CTNNA3: variants seen among roughly 807,000 people sequenced by gnomAD.
The protein encoded by CTNNA3 is catenin alpha-3.
CTNNA3 carries 76 observed loss-of-function variants against 95.7 expected under a neutral mutation model. The ratio of observed to expected loss-of-function variants is 0.79; its 90% CI spans 0.66 to 0.96. The LOEUF (loss-of-function observed/expected upper bound fraction) is 0.96. CTNNA3 is among the 40% of genes least tolerant of loss of function. CTNNA3 has a pLI of 0.00. For synonymous variants in CTNNA3, 431 were observed against 374.4 expected, an observed-to-expected ratio of 1.15 and a Z score of -1.74; for missense variants, 1,191 against 1,089.8, an observed-to-expected ratio of 1.09 and a Z score of -1.31.
intron 5 of CTNNA3, among the ~76,000 whole-genome samples, chr10:67,300,303 C>T (rs981541455): frequency 6.6e-6 from 1 of 152,196 alleles, no homozygotes; most frequent in Non-Finnish European, 1.5e-5. Context: ...CAGCTGGTCT[C>T]CATCACTGTC....
At chr10:67,649,125 C>A (rs937082272) in intron 1 of CTNNA3, among the ~76,000 whole-genome samples, 1 of 152,176 alleles carries the variant, frequency 6.6e-6, no homozygotes, top group Non-Finnish European at 1.5e-5. Flanking sequence ...TACTCCTCTA[C>A]GACAGGTACT....
chr10:66,724,408 G>T (rs1464087205), intron 9 of CTNNA3, among the ~76,000 whole-genome samples: 2 of 152,100 alleles, frequency 1.3e-5, no homozygotes, highest in Non-Finnish European at 2.9e-5. Flanking sequence ...CAGGGAATAC[G>T]CCATTAATCT....
chr10:66,795,304 G>C (rs1006095991), intron 7 of CTNNA3, among the ~76,000 whole-genome samples: 1 of 152,076 alleles, frequency 6.6e-6, no homozygotes, highest in Non-Finnish European at 1.5e-5. Flanking sequence ...TTACAGAATG[G>C]ATGTTGTGTT....
At chr10:66,410,827 T>C (rs1321927698) in intron 11 of CTNNA3, among the ~76,000 whole-genome samples, 1 of 152,176 alleles carries the variant, frequency 6.6e-6, no homozygotes, top group Non-Finnish European at 1.5e-5. Flanking sequence ...TCTAAGGCTC[T>C]TTCTCATCCT....
intron 7 of CTNNA3, among the ~76,000 whole-genome samples, chr10:66,915,632 G>T (rs1021560125): frequency 2.2e-4 from 33 of 151,444 alleles, no homozygotes; most frequent in Non-Finnish European, 3.8e-4. Flanking sequence ...GCCAAGAAAT[G>T]GAGTGCTGCA....
At chr10:67,476,467 C>A (rs1460599667) in intron 5 of CTNNA3, among the ~76,000 whole-genome samples, 1 of 151,892 alleles carries the variant, frequency 6.6e-6, no homozygotes, top group African/African-American at 2.4e-5. Flanking sequence ...GCAGTCGGAG[C>A]ACCCACTCCT....
chr10:66,174,625 TG>T (rs1295352006), intron 13 of CTNNA3, among the ~76,000 whole-genome samples: 2 of 152,044 alleles, frequency 1.3e-5, no homozygotes, highest in Non-Finnish European at 2.9e-5. Flanking sequence ...ATAGAGTATT[TG>T]CAGGATGTGA....
intron 7 of CTNNA3, among the ~76,000 whole-genome samples, chr10:66,901,031 C>A (rs1399319576): frequency 6.6e-6 from 1 of 152,048 alleles, no homozygotes; most frequent in East Asian, 1.9e-4. Flanking sequence ...CAGAGAACAC[C>A]ACAAAGATAC....
At position 65,972,740 on chromosome 10, in the gene CTNNA3, G is replaced by A. The variant is rs576922596; in HGVS notation, c.2266-5994C>T. On this transcript the variant is annotated intron_variant, in intron 16 of 17. Transcript: ENST00000433211. ...ATCATTTCAATTTCATCAACTGGAA[G>A]AATGAATATCGTTAAAATGGCCATG... is the stretch of plus-strand genomic sequence containing the variant. Among the ~76,000 whole-genome samples, 13 of 152,142 alleles carry A rather than the reference G, an allele frequency of 8.5e-5. No homozygotes were observed. The East Asian group carries it at 2.3e-3, about 27-fold the overall frequency.
intron 7 of CTNNA3, among the ~76,000 whole-genome samples, chr10:66,871,800 T>C (rs530920323): frequency 5.3e-5 from 8 of 152,180 alleles, no homozygotes; most frequent in African/African-American, 1.2e-4. Context: ...GAAATAATCA[T>C]AAATGCCAGA....
intron 10 of CTNNA3, among the ~76,000 whole-genome samples, chr10:66,559,816 C>T (rs977561153): frequency 6.6e-6 from 1 of 152,012 alleles, no homozygotes; most frequent in Non-Finnish European, 1.5e-5. Flanking sequence ...CCCACGCCAC[C>T]CCCTTTTAAG....
chr10:66,194,978 A>G (rs2086877580), intron 13 of CTNNA3, among the ~76,000 whole-genome samples: 1 of 152,234 alleles, frequency 6.6e-6, no homozygotes, highest in South Asian at 2.1e-4. Flanking sequence ...TGCTGTATGA[A>G]GTACAACCGA....
chr10:67,245,516 T>G (rs1487197388), intron 5 of CTNNA3, among the ~76,000 whole-genome samples: 2 of 152,128 alleles, frequency 1.3e-5, no homozygotes, highest in Admixed American at 1.3e-4. Flanking sequence ...ATTTGACATA[T>G]TTTACTGATC....
chr10:66,211,940 T>C (rs2088182803), intron 13 of CTNNA3, among the ~76,000 whole-genome samples: 1 of 152,000 alleles, frequency 6.6e-6, no homozygotes, highest in African/African-American at 2.4e-5. Flanking sequence ...CTTTTGTGCA[T>C]GTCTAACATT....
rs1843557312 is a variant in CTNNA3 at position 66,591,717 on chromosome 10, G to T, written c.1374+29975C>A. Reference sequence around the variant, plus strand: ...ATTCTCTCTTTATCCTGTCAGCAATGATAATGATGCCATCCTGATATTCAT... The same window carrying T: ...ATTCTCTCTTTATCCTGTCAGCAATTATAATGATGCCATCCTGATATTCAT... On this transcript the variant is annotated intron_variant, in intron 10 of 17. Transcript: ENST00000433211. Among the ~76,000 whole-genome samples, 3 of 152,116 alleles carry T rather than the reference G, an allele frequency of 2.0e-5. No individual in the cohort carries two copies. In the South Asian group the frequency reaches 6.2e-4, roughly 32 times the overall value.
chr10:66,331,430 T>G (rs1047534750), intron 12 of CTNNA3, among the ~76,000 whole-genome samples: 2 of 132,784 alleles, frequency 1.5e-5, no homozygotes, highest in African/African-American at 5.6e-5. Flanking sequence ...CTCGACTCAC[T>G]GCAAGCTCCG....
At chr10:66,960,036 T>C (rs1849031309) in intron 7 of CTNNA3, among the ~76,000 whole-genome samples, 1 of 152,128 alleles carries the variant, frequency 6.6e-6, no homozygotes, top group African/African-American at 2.4e-5. Flanking sequence ...AAGCCAGGTA[T>C]GTAAGTTTCC....
chr10:66,549,151 G>A (rs1842136671), intron 10 of CTNNA3, among the ~76,000 whole-genome samples: 2 of 151,844 alleles, frequency 1.3e-5, no homozygotes, highest in Admixed American at 6.6e-5. Flanking sequence ...CCGCCACCAC[G>A]CCCAGCTAAT....
At position 67,427,509 on chromosome 10, in the gene CTNNA3, C is replaced by G. The variant is rs528353162; in HGVS notation, c.579+94333G>C. 3.9e-5 allele frequency among the ~76,000 whole-genome samples: 6 copies of G among 152,048 alleles called. No individual in the cohort carries two copies. In the South Asian group the frequency reaches 1.2e-3, roughly 32 times the overall value. On this transcript the variant is annotated intron_variant, in intron 5 of 17. Transcript: ENST00000433211. ...TCTCTTTGTAAAAATTCAAAAAACT[C>G]ATATTACTGCCGAGAAAGCTCACTG...
Sources: gnomAD v4.1 joint callset for allele counts (sites outside exome capture counted in the v4.1 genomes callset) on GRCh38, gnomAD v4.1.1 for gene constraint, MANE v1.5 for transcripts, NCBI Gene and HGNC (gene_info 2026-07-23, HGNC 2026-07-21) for gene names.